TRIM31: variants seen among roughly 807,000 people sequenced by gnomAD.
The protein encoded by TRIM31 is tripartite motif containing 31, also known as E3 ubiquitin-protein ligase TRIM31.
TRIM31 carries 31 observed loss-of-function variants against 40.6 expected under a neutral mutation model. That is an observed-to-expected ratio of 0.76 (90% CI 0.57 to 1.03). The LOEUF (loss-of-function observed/expected upper bound fraction) is 1.03, where lower values mean the gene tolerates loss of function less well. Among genes scored for constraint, TRIM31 ranks in the 50% least tolerant of loss-of-function variants. The pLI is 0.00. For missense variants in TRIM31, 455 were observed against 497.5 expected (o/e 0.91, Z 0.81); for synonymous variants, 164 against 193.9 (o/e 0.85, Z 1.28).
Position 30,103,705 on chromosome 6 carries a change from A to T in TRIM31, c.1109T>A (p.Val370Asp), listed in dbSNP as rs763283423. ...SLFRASSAGK[V>D]TFPVCLLASY... The stretch of plus-strand genomic sequence containing the variant: ...GGCCAGGAGACATACTGGAAAAGTG[A>T]CTTTCCCAGCAGACGAGGCCCGAAA... Residue 370 changes from valine to aspartate, a missense_variant, in exon 9 of 9, where the codon GTC becomes GAC. Physicochemically the swap from Val to Asp is radical, Grantham distance 152 (BLOSUM62 -3). Transcript: ENST00000376734. 8 of 1,613,062 alleles carry T rather than the reference A, an allele frequency of 5.0e-6. No homozygotes were observed. The East Asian group carries it at 1.8e-4, about 36-fold the overall frequency.
chr6:30,103,752 AG>A lies in TRIM31; in HGVS notation c.1061del (p.Ser354PhefsTer55). On this transcript the variant is annotated frameshift_variant, in exon 9 of 9. Coordinates refer to ENST00000376734, the MANE Select transcript of TRIM31 (RefSeq NM_007028.5). LOFTEE classifies it low-confidence loss of function (END_TRUNC). ...RTTSGPPNHH[S>X]SAPSHSLFRA... ...GAAACAGGGAGTGGGATGGGGCTGA[AG>A]AGTGGTGATTTGGTGGCCCCGATGT... 1 of 1,613,040 alleles carries A rather than the reference AG, an allele frequency of 6.2e-7. No individual in the cohort carries two copies. The highest frequency in any genetic ancestry group is 8.5e-7 in the Non-Finnish European group (1 of 1,180,002).
chr6:30,107,014 C>T (rs12530114), intron 6 of TRIM31, among the ~76,000 whole-genome samples: 73,913 of 151,960 alleles, frequency 0.49, 18,519 homozygotes, highest in East Asian at 0.74. Flanking sequence ...GCAGGAGAAT[C>T]GCTTGAAACC....
intron 7 of TRIM31, 65 bp downstream of exon 7, chr6:30,105,103 C>G: frequency 7.0e-7 from 1 of 1,428,298 alleles, no homozygotes; most frequent in Non-Finnish European, 9.8e-7. Context: ...CATAGAGACA[C>G]AATTCTTCCC....
intron 6 of TRIM31, among the ~76,000 whole-genome samples, chr6:30,107,482 T>C (rs1768832600): frequency 6.6e-6 from 1 of 152,136 alleles, no homozygotes; most frequent in Admixed American, 6.5e-5. Flanking sequence ...GGGGAGTCCT[T>C]ACAAATACTA....
At position 30,103,467 on chromosome 6, in the gene TRIM31, C is replaced by T; in HGVS notation, c.*69G>A. On this transcript the variant is annotated 3_prime_UTR_variant, in exon 9 of 9. Coordinates refer to ENST00000376734, the MANE Select transcript of TRIM31 (RefSeq NM_007028.5). ...CAAGAACCGTGGTCGGTCTCAGCCA[C>T]TCACTCAGCGCCACTCTATGCTCCG... 6.3e-7 allele frequency: 1 copy of T among 1,593,686 alleles called. No homozygotes were observed. Among genetic ancestry groups the T allele is most frequent in the Non-Finnish European group, 8.5e-7 (1 of 1,170,484 alleles).
Position 30,109,043 on chromosome 6 carries a change from G to C in TRIM31, c.750C>G (p.Ile250Met). 1 of 1,613,008 alleles carries C rather than the reference G, an allele frequency of 6.2e-7. No individual in the cohort carries two copies. Among genetic ancestry groups the C allele is most frequent in the Non-Finnish European group, 8.5e-7 (1 of 1,180,014 alleles). Reference protein sequence around the residue: ...NMPPRQLLEDIKVVLCRSEEF... With the variant: ...NMPPRQLLEDMKVVLCRSEEF... ...CATCATACCTGCACAAGACGACTTT[G>C]ATATCCTAGAAGAGAAAGAGAAACA... Residue 250 changes from isoleucine (I) to methionine (M), a missense_variant, in exon 5 of 9, where the codon ATC (isoleucine) becomes ATG (methionine). By Grantham distance (10) the Ile-to-Met change is conservative (BLOSUM62 1). Coordinates refer to ENST00000376734, the MANE Select transcript of TRIM31 (RefSeq NM_007028.5).
At chr6:30,106,406 C>G (rs1003128780) in intron 6 of TRIM31, among the ~76,000 whole-genome samples, 3 of 152,162 alleles carry the variant, frequency 2.0e-5, no homozygotes, top group Admixed American at 6.5e-5. Context: ...CCCAGCCACA[C>G]CCTTCTCCAC....
chr6:30,103,882 A>T, intron 8 of TRIM31, 93 bp from the exon 9 acceptor site: 1 of 1,561,744 alleles, frequency 6.4e-7, no homozygotes, highest in South Asian at 1.2e-5. Flanking sequence ...CTCTACATAC[A>T]GCAGGAGGGA....
rs114893185 is a variant in TRIM31 at position 30,111,161 on chromosome 6, T to C, written c.514-483A>G. 1,552 of 178,020 alleles carry C rather than the reference T, an allele frequency of 8.7e-3. 23 individuals carry two copies. The highest frequency in any genetic ancestry group is 0.031 in the African/African-American group (1,305 of 41,698). 11.0% of individuals were successfully genotyped at this position (178,020 alleles called of 1,614,324 possible). On this transcript the variant is annotated intron_variant, in intron 3 of 8. Transcript: ENST00000376734. Reference sequence around the variant, plus strand: ...TACTTTCACCTCCCAGCCTCTCTAGTAGCTGGGACTACAGGCGTGTGCTAC... The same window carrying C: ...TACTTTCACCTCCCAGCCTCTCTAGCAGCTGGGACTACAGGCGTGTGCTAC...
intron 7 of TRIM31, 130 bp from the exon 8 acceptor site, chr6:30,104,297 A>G: frequency 1.1e-6 from 1 of 882,884 alleles, no homozygotes; most frequent in South Asian, 1.5e-5. Flanking sequence ...TTCCCCACCC[A>G]GGGGGAAGTG....
At chr6:30,105,122 A>G in intron 7 of TRIM31, 46 bp downstream of exon 7, 1 of 1,549,088 alleles carries the variant, frequency 6.5e-7, no homozygotes. Context: ...CCCTTTTCTC[A>G]CTTTCCCCAA....
chr6:30,112,263 T>C, intron 2 of TRIM31, 126 bp downstream of exon 2: 1 of 1,095,052 alleles, frequency 9.1e-7, no homozygotes, highest in Admixed American at 2.5e-5. Flanking sequence ...GACTGCGAGC[T>C]GCCCACTCAA....
Position 30,111,634 on chromosome 6 carries a change from G to T in TRIM31, c.513+14C>A. Reference sequence around the variant, plus strand: ...TTTCTGCTTCCAGAGATCGTGGGATGGAGTTTTTCTTACCGTGAAGACATC... The same window carrying T: ...TTTCTGCTTCCAGAGATCGTGGGATTGAGTTTTTCTTACCGTGAAGACATC... On this transcript the variant is annotated intron_variant, in intron 3 of 8. Coordinates refer to ENST00000376734, the MANE Select transcript of TRIM31 (RefSeq NM_007028.5). 1.2e-6 allele frequency: 2 copies of T among 1,611,762 alleles called. No individual in the cohort carries two copies. Among genetic ancestry groups the T allele is most frequent in the Non-Finnish European group, 1.7e-6 (2 of 1,177,886 alleles).
At position 30,103,417 on chromosome 6, in the gene TRIM31, C is replaced by G. The variant is rs963338401; in HGVS notation, c.*119G>C. ...GTAGCCCGAGCCCTCCCATTCTCCA[C>G]TCCTTCGACCCAATTCCACTAAGTC... On this transcript the variant is annotated 3_prime_UTR_variant, in exon 9 of 9. Transcript: ENST00000376734. 5.3e-5 allele frequency: 77 copies of G among 1,466,048 alleles called. No homozygotes were observed. The highest frequency in any genetic ancestry group is 6.8e-5 in the Non-Finnish European group (74 of 1,086,474). The allele number at this position is 1,466,048 out of a possible 1,614,324, so 90.8% of individuals were successfully genotyped here. A position where few individuals can be genotyped will look rare whatever the true frequency, so the allele number is the denominator to read the frequency against.
Position 30,109,104 on chromosome 6 carries a change from A to G in TRIM31, c.745-56T>C. On this transcript the variant is annotated intron_variant, in intron 4 of 8. Transcript: ENST00000376734. ...AGCACTTGGCTGATTCCCAGGAGCCAAGGAGGAGATACAGAGCCTGCTGGG... is the reference window on the plus strand; with the variant it reads ...AGCACTTGGCTGATTCCCAGGAGCCGAGGAGGAGATACAGAGCCTGCTGGG... The G allele has an allele frequency of 1.9e-6, 3 of 1,594,770 alleles. No homozygotes were observed. The South Asian group carries it at 3.3e-5, about 18-fold the overall frequency.
intron 2 of TRIM31, 190 bp downstream of exon 2, chr6:30,112,199 T>C (rs1769399492): frequency 3.2e-6 from 2 of 627,324 alleles, no homozygotes; most frequent in South Asian, 2.2e-5. Flanking sequence ...CATTGCACCT[T>C]GATTTAGAGA....
Position 30,103,706 on chromosome 6 carries a change from C to T in TRIM31, c.1108G>A (p.Val370Ile). The T allele has an allele frequency of 6.2e-7, 1 of 1,613,064 alleles. No individual in the cohort carries two copies. Among genetic ancestry groups the T allele is most frequent in the Non-Finnish European group, 8.5e-7 (1 of 1,180,032 alleles). ...GCCAGGAGACATACTGGAAAAGTGA[C>T]TTTCCCAGCAGACGAGGCCCGAAAC... ...SLFRASSAGK[V>I]TFPVCLLASY... The change falls in exon 9 of 9, where the codon GTC becomes ATC. Residue 370 changes from valine (V) to isoleucine (I), a missense_variant. Transcript: ENST00000376734.
intron 7 of TRIM31, 61 bp from the exon 8 acceptor site, chr6:30,104,228 C>G: frequency 6.6e-7 from 1 of 1,514,278 alleles, no homozygotes; most frequent in Non-Finnish European, 9.2e-7. Context: ...AAATTAAAAA[C>G]AAAAACAAGC....
At chr6:30,111,623 G>A (rs1353477783) in intron 3 of TRIM31, 25 bp downstream of exon 3, 1 of 1,607,460 alleles carries the variant, frequency 6.2e-7, no homozygotes, top group South Asian at 1.1e-5. Context: ...TGCTTCCAGA[G>A]ATCGTGGGAT....
Sources: allele counts gnomAD v4.1 joint callset (sites outside exome capture counted in the v4.1 genomes callset), GRCh38; gene constraint gnomAD v4.1.1; transcripts MANE v1.5; gene names NCBI Gene and HGNC (gene_info 2026-07-23, HGNC 2026-07-21).